Variants in PCDHAC2 observed in about 807,000 individuals in gnomAD.
PCDHAC2 encodes protocadherin alpha-C2.
A neutral mutation model predicts 63.3 loss-of-function variants in PCDHAC2; 24 were observed. The ratio of observed to expected loss-of-function variants is 0.38; its 90% confidence interval spans 0.27 to 0.53. PCDHAC2 has a LOEUF of 0.53. Among genes scored for constraint, PCDHAC2 ranks in the 20% least tolerant of loss-of-function variants. The probability of loss-of-function intolerance (pLI) is 0.81; values close to 1 mark genes in which losing one functional copy is unlikely to be tolerated. For missense variants in PCDHAC2, 1,181 were observed against 1,275.2 expected, an observed-to-expected ratio of 0.93 and a Z score of 1.12; for synonymous variants, 569 against 529.4, an observed-to-expected ratio of 1.07 and a Z score of -1.03.
At chr5:141,000,608 A>G (rs1554257700) in intron 3 of PCDHAC2, among the ~76,000 whole-genome samples, 2 of 150,664 alleles carry the variant, frequency 1.3e-5, no homozygotes, top group African/African-American at 4.9e-5. Context: ...TTGTATTTTT[A>G]GTAGAGACAG....
At chr5:140,991,022 C>T (rs1324609159) in intron 3 of PCDHAC2, among the ~76,000 whole-genome samples, 1 of 152,164 alleles carries the variant, frequency 6.6e-6, no homozygotes, top group Non-Finnish European at 1.5e-5. Flanking sequence ...AAGCACTTTA[C>T]ATATGTTGCA....
chr5:141,003,741 A>G (rs1291595687), intron 3 of PCDHAC2, among the ~76,000 whole-genome samples: 5 of 152,180 alleles, frequency 3.3e-5, no homozygotes, highest in South Asian at 2.1e-4. Flanking sequence ...AAGCAAAACC[A>G]TATTTTGTAT....
chr5:141,003,981 C>T (rs1485203944), intron 3 of PCDHAC2, among the ~76,000 whole-genome samples: 9 of 152,072 alleles, frequency 5.9e-5, no homozygotes, highest in Admixed American at 2.6e-4. Flanking sequence ...GGGGACTTGC[C>T]GGAGATCCTA....
intron 3 of PCDHAC2, among the ~76,000 whole-genome samples, chr5:141,004,046 C>A (rs79317939): frequency 0.03 from 4,581 of 152,294 alleles, 86 homozygotes; most frequent in Non-Finnish European, 0.047. Flanking sequence ...TGATCATTTG[C>A]TGATACTGGC....
At chr5:140,995,317 C>T (rs1554254587) in intron 3 of PCDHAC2, among the ~76,000 whole-genome samples, 1 of 152,118 alleles carries the variant, frequency 6.6e-6, no homozygotes, top group Non-Finnish European at 1.5e-5. Flanking sequence ...TCTAAGTGAA[C>T]TAACAGGTGA....
At position 140,967,776 on chromosome 5, in the gene PCDHAC2, C is replaced by T; in HGVS notation, c.1010C>T (p.Ala337Val). The change falls in exon 1 of 4, where the codon GCG becomes GTG. Residue 337 changes from alanine (A) to valine (V), a missense_variant. Around this residue, in one of 3 missense-constraint regions of PCDHAC2, gnomAD observed 968 missense variants for 1,073.5 expected, o/e 0.90. Transcript: ENST00000289269. Reference protein sequence around the residue: ...EASSYQIYVQATDRGPVPMAG... With the variant: ...EASSYQIYVQVTDRGPVPMAG... ...TCCTCCTACCAGATCTATGTGCAGG[C>T]GACTGACCGGGGTCCAGTGCCCATG... is the stretch of plus-strand genomic sequence containing the variant. 1.2e-6 allele frequency: 2 copies of T among 1,614,148 alleles called. No individual in the cohort carries two copies. Among genetic ancestry groups the T allele is most frequent in the East Asian group, 2.2e-5 (1 of 44,882 alleles).
chr5:141,011,299 CTGAA>C lies in PCDHAC2; in HGVS notation c.*1364_*1367del, dbSNP rs1554263406. ...TTTAGTTTTCCTTTTCTATAACACT[CTGAA>C]TTGCTAATCTTACTAACACCTATGA... is the stretch of plus-strand genomic sequence containing the variant. On this transcript the variant is annotated 3_prime_UTR_variant, in exon 4 of 4. Coordinates refer to ENST00000289269, the MANE Select transcript of PCDHAC2 (RefSeq NM_018899.6). 1 of 153,768 alleles carries C rather than the reference CTGAA, an allele frequency of 6.5e-6. No homozygotes were observed. Among genetic ancestry groups the C allele is most frequent in the East Asian group, 1.9e-4 (1 of 5,198 alleles). The allele number at this position is 153,768 out of a possible 1,614,324, so 9.5% of individuals were successfully genotyped here.
Position 140,980,544 on chromosome 5 carries a change from C to T in PCDHAC2, c.2624+1537C>T, listed in dbSNP as rs111386744. 4.0e-3 allele frequency among the ~76,000 whole-genome samples: 611 copies of T among 152,160 alleles called. 1 individual carries two copies. The highest frequency in any genetic ancestry group is 0.013 in the African/African-American group (560 of 41,516). On this transcript the variant is annotated intron_variant, in intron 2 of 3. Coordinates refer to ENST00000289269, the MANE Select transcript of PCDHAC2 (RefSeq NM_018899.6). ...ACTAGGGAGGCTGAGGCAGGAGAAT[C>T]GCTTGAACCCGGGAGGCGGAAGTTG...
chr5:141,010,405 C>A lies in PCDHAC2; in HGVS notation c.*468C>A. The A allele has an allele frequency of 7.9e-7, 1 of 1,260,098 alleles. No homozygotes were observed. The highest frequency in any genetic ancestry group is 1.1e-6 in the Non-Finnish European group (1 of 934,062). The allele number at this position is 1,260,098 out of a possible 1,614,324, so 78.1% of individuals were successfully genotyped here. On this transcript the variant is annotated 3_prime_UTR_variant, in exon 4 of 4. Transcript: ENST00000289269. ...ATTGGCTGAGACGAGCCAGCTTAGACTAATTGGTACAAGGAAGGCAAGAAA... is the reference window on the plus strand; with the variant it reads ...ATTGGCTGAGACGAGCCAGCTTAGAATAATTGGTACAAGGAAGGCAAGAAA...
chr5:141,007,094 A>G (rs559556000), intron 3 of PCDHAC2, among the ~76,000 whole-genome samples: 1 of 152,300 alleles, frequency 6.6e-6, no homozygotes, highest in Admixed American at 6.5e-5. Context: ...AAGAGAGTCT[A>G]GGGCCAAACC....
Position 140,966,658 on chromosome 5 carries a change from G to A in PCDHAC2, c.-109G>A, listed in dbSNP as rs887585622. ...CGCTTTCTAGAGCGTGAGCGGTGGG[G>A]GAGCAGGCGCAGGGTGGCACGAGCG... On this transcript the variant is annotated 5_prime_UTR_variant, in exon 1 of 4. Transcript: ENST00000289269. 4.1e-6 allele frequency: 5 copies of A among 1,212,426 alleles called. No homozygotes were observed. The highest frequency in any genetic ancestry group is 3.9e-5 in the Admixed American group (1 of 25,610). 75.1% of individuals were successfully genotyped at this position (1,212,426 alleles called of 1,614,324 possible).
intron 1 of PCDHAC2, among the ~76,000 whole-genome samples, chr5:140,977,927 T>G (rs1214119079): frequency 6.6e-6 from 1 of 152,180 alleles, no homozygotes; most frequent in Non-Finnish European, 1.5e-5. Context: ...TTCATTCAAC[T>G]ATACCTCAAT....
At chr5:140,976,241 T>C (rs1170027788) in intron 1 of PCDHAC2, among the ~76,000 whole-genome samples, 3 of 152,144 alleles carry the variant, frequency 2.0e-5, no homozygotes, top group African/African-American at 4.8e-5. Context: ...TGTCATTTCA[T>C]GTAAATTTAT....
At chr5:140,985,310 TG>T (rs1563522847) in intron 3 of PCDHAC2, among the ~76,000 whole-genome samples, 2 of 152,196 alleles carry the variant, frequency 1.3e-5, no homozygotes, top group African/African-American at 4.8e-5. Flanking sequence ...GATAGCCTGG[TG>T]GCCAGAATTC....
rs1429261485 is a variant in PCDHAC2 at position 140,968,943 on chromosome 5, T to G, written c.2177T>G (p.Leu726Trp). The stretch of plus-strand genomic sequence containing the variant: ...ATATTTCTTTTGACAATCATCATTT[T>G]GAGCATCATCAAGTGCTACCGCTAC... ...SFIFLLTIIILSIIKCYRYTA... is the reference protein window; with the variant it reads ...SFIFLLTIIIWSIIKCYRYTA... Residue 726 changes from leucine (L) to tryptophan (W), a missense_variant, in exon 1 of 4, where the codon TTG becomes TGG. Leu to Trp is a moderately conservative substitution (Grantham distance 61, BLOSUM62 -2). This residue lies in a region of PCDHAC2 where 968 missense variants were observed against 1,073.5 expected (regional missense o/e 0.90). Transcript: ENST00000289269. 2 of 1,614,128 alleles carry G rather than the reference T, an allele frequency of 1.2e-6. No homozygotes were observed. Among genetic ancestry groups the G allele is most frequent in the Non-Finnish European group, 1.7e-6 (2 of 1,180,052 alleles).
In PCDHAC2 at chr5:140,968,252, C is replaced by T; in HGVS notation, c.1486C>T (p.Pro496Ser). Reference sequence around the variant, plus strand: ...GCTCTGTACTGTGCAAGCCACAGACCCAGATGAAAAGGAGAATGCAGAGGT... The same window carrying T: ...GCTCTGTACTGTGCAAGCCACAGACTCAGATGAAAAGGAGAATGCAGAGGT... ...VLLCTVQATD[P>S]DEKENAEVTY... Residue 496 changes from proline to serine, a missense_variant, in exon 1 of 4, where the codon CCA (proline) becomes TCA (serine). Coordinates refer to ENST00000289269, the MANE Select transcript of PCDHAC2 (RefSeq NM_018899.6). 2 of 1,613,948 alleles carry T rather than the reference C, an allele frequency of 1.2e-6. No individual in the cohort carries two copies. The highest frequency in any genetic ancestry group is 1.7e-6 in the Non-Finnish European group (2 of 1,179,970).
rs183412283 is a variant in PCDHAC2 at position 140,968,329 on chromosome 5, T to C, written c.1563T>C (p.Tyr521=). The change falls in exon 1 of 4, where the codon TAT becomes TAC. Residue 521 remains tyrosine (Y), a synonymous_variant. Transcript: ENST00000289269. ...TTCAAGGGCTGCCAGTCACCTCCTA[T>C]GTCTCCATTAACAGTGCCAGTGGCA... is the stretch of plus-strand genomic sequence containing the variant. The part of the protein sequence containing the change: ...REIQGLPVTS[Y]VSINSASGSL... 7.7e-5 allele frequency: 125 copies of C among 1,614,150 alleles called. 1 individual carries two copies. In the East Asian group the frequency reaches 2.7e-3, roughly 34 times the overall value.
At chr5:140,982,434 T>A in intron 2 of PCDHAC2, 41 bp from the exon 3 acceptor site, 1 of 1,613,270 alleles carries the variant, frequency 6.2e-7, no homozygotes, top group Non-Finnish European at 8.5e-7. Flanking sequence ...TGGGAAAGAA[T>A]TTATGATCTA....
In PCDHAC2 at chr5:140,968,107, G is replaced by A. The variant is rs200195064; in HGVS notation, c.1341G>A (p.Pro447=). ...ITVTATDGGI[P]QLTSLRTLKV... ...TGACAGCCACAGATGGGGGAATACC[G>A]CAGCTCACATCCCTGCGTACACTGA... Residue 447 remains proline, a synonymous_variant, in exon 1 of 4, where the codon CCG becomes CCA. Coordinates refer to ENST00000289269, the MANE Select transcript of PCDHAC2 (RefSeq NM_018899.6). The A allele has an allele frequency of 3.6e-5, 58 of 1,613,992 alleles. No individual in the cohort carries two copies. The highest frequency in any genetic ancestry group is 5.3e-5 in the African/African-American group (4 of 74,908).
Sources: allele counts gnomAD v4.1 joint callset (sites outside exome capture counted in the v4.1 genomes callset), GRCh38; gene constraint gnomAD v4.1.1; regional missense constraint gnomAD v4.1.1; transcripts MANE v1.5; gene names NCBI Gene and HGNC (gene_info 2026-07-23, HGNC 2026-07-21).